PRP4K: variants seen among roughly 807,000 people sequenced by gnomAD.
PRP4K encodes the protein pre-mRNA processing factor kinase PRP4K.
chr6:4,040,381 G>A, the PRP4K span, among the ~76,000 whole-genome samples: 1 of 152,034 alleles, frequency 6.6e-6, no homozygotes, highest in Non-Finnish European at 1.5e-5. Context: ...CCCCTTTTCG[G>A]TCTCTCCCTT....
chr6:4,047,297 A>T, the PRP4K span: 1 of 1,371,622 alleles, frequency 7.3e-7, no homozygotes, highest in South Asian at 1.2e-5. Flanking sequence ...TAACAAATAT[A>T]TTGGTGCGTA....
At chr6:4,037,333 C>G in the PRP4K span, 1 of 1,395,770 alleles carries the variant, frequency 7.2e-7, no homozygotes, top group Admixed American at 2.4e-5. Flanking sequence ...ATGTTCTTTG[C>G]ATATAGAAAA....
chr6:4,046,019 G>A, the PRP4K span, among the ~76,000 whole-genome samples: 1 of 152,064 alleles, frequency 6.6e-6, no homozygotes. Context: ...TATAGGCTCC[G>A]CCATAGTTTA....
the PRP4K span, chr6:4,040,631 CTA>C: frequency 2.3e-6 from 2 of 880,208 alleles, no homozygotes; most frequent in East Asian, 3.0e-5. Context: ...AAAAAATAGA[CTA>C]TATTTTAGAA....
the PRP4K span, among the ~76,000 whole-genome samples, chr6:4,043,452 T>C: frequency 1.3e-5 from 2 of 152,178 alleles, no homozygotes; most frequent in Non-Finnish European, 2.9e-5. Context: ...GCATCTATTA[T>C]GTGCCATCAG....
At chr6:4,045,137 G>A in the PRP4K span, among the ~76,000 whole-genome samples, 5 of 152,262 alleles carry the variant, frequency 3.3e-5, no homozygotes, top group African/African-American at 9.6e-5. Flanking sequence ...GGGATTACAG[G>A]CGTGAGCCAC....
chr6:4,030,123 A>G, the PRP4K span, among the ~76,000 whole-genome samples: 114 of 152,044 alleles, frequency 7.5e-4, no homozygotes, highest in African/African-American at 2.6e-3. Context: ...TTGTATTTTT[A>G]GTAGAGAGGG....
the PRP4K span, chr6:4,058,783 T>G: frequency 6.2e-7 from 1 of 1,612,990 alleles, no homozygotes; most frequent in East Asian, 2.2e-5. Flanking sequence ...CTCAACTTCA[T>G]GTACATAGAA....
At chr6:4,035,417 G>A in the PRP4K span, among the ~76,000 whole-genome samples, 107 of 149,440 alleles carry the variant, frequency 7.2e-4, no homozygotes, top group African/African-American at 2.6e-3. Context: ...AAAGTGTTGG[G>A]ATTACAGGCG....
the PRP4K span, chr6:4,063,677 A>G: frequency 3.3e-5 from 5 of 152,086 alleles, no homozygotes; most frequent in South Asian, 2.1e-4. Context: ...TAGACTACCT[A>G]TTTGAAAGGA....
the PRP4K span, among the ~76,000 whole-genome samples, chr6:4,034,706 A>T: frequency 1.3e-5 from 2 of 151,626 alleles, no homozygotes; most frequent in Non-Finnish European, 2.9e-5. Context: ...ATTTTTATTT[A>T]TTTATTTTAT....
the PRP4K span, among the ~76,000 whole-genome samples, chr6:4,024,719 CTG>C: frequency 6.6e-6 from 1 of 152,166 alleles, no homozygotes; most frequent in African/African-American, 2.4e-5. Context: ...TCTCCTGTCT[CTG>C]TCTCCCGAGT....
the PRP4K span, among the ~76,000 whole-genome samples, chr6:4,033,644 T>A: frequency 5.9e-5 from 9 of 152,178 alleles, no homozygotes; most frequent in African/African-American, 2.2e-4. Flanking sequence ...TTATACTATA[T>A]AAGGATGTTA....
the PRP4K span, chr6:4,021,347 T>G: frequency 6.5e-7 from 1 of 1,545,270 alleles, no homozygotes; most frequent in African/African-American, 1.4e-5. Context: ...GGCAGCTCTT[T>G]TCCTTCTTCC....
At chr6:4,035,913 C>T in the PRP4K span, among the ~76,000 whole-genome samples, 2 of 151,740 alleles carry the variant, frequency 1.3e-5, no homozygotes, top group African/African-American at 4.8e-5. Context: ...TGCAGTGAGC[C>T]GAGGTCACAC....
At chr6:4,047,901 T>TACAC in the PRP4K span, among the ~76,000 whole-genome samples, 2,588 of 142,052 alleles carry the variant, frequency 0.018, 24 homozygotes, top group African/African-American at 0.021. Context: ...CATGTATATG[T>TACAC]ACACACACAC....
At chr6:4,053,261 G>C in the PRP4K span, among the ~76,000 whole-genome samples, 1 of 152,294 alleles carries the variant, frequency 6.6e-6, no homozygotes, top group South Asian at 2.1e-4. Flanking sequence ...CTAAGCTGTG[G>C]CTCCTGGGGG....
chr6:4,037,413 G>A, the PRP4K span: 1 of 1,610,330 alleles, frequency 6.2e-7, no homozygotes, highest in Admixed American at 1.7e-5. Flanking sequence ...ACCTCGAGAT[G>A]ATATCCTCAG....
chr6:4,054,593 A>G, the PRP4K span, among the ~76,000 whole-genome samples: 2 of 151,956 alleles, frequency 1.3e-5, no homozygotes, highest in South Asian at 2.1e-4. Context: ...TGCAACCTCC[A>G]ACTCCCTGGT....
Sources: allele counts gnomAD v4.1 joint callset (sites outside exome capture counted in the v4.1 genomes callset), GRCh38; gene constraint gnomAD v4.1.1; transcripts MANE v1.5; gene names NCBI Gene and HGNC (gene_info 2026-07-23, HGNC 2026-07-21).